Variants in LPA observed in about 807,000 individuals in gnomAD.
The protein encoded by LPA is apolipoprotein(a).
Under a neutral mutation model 197.9 loss-of-function variants are expected in LPA, and 199 were observed. The observed-to-expected ratio is 1.01, with a 90% CI of 0.90 to 1.13. The LOEUF is 1.13. Among genes scored for constraint, LPA ranks in the 50% most tolerant of loss-of-function variants. LPA has a pLI of 0.00. For synonymous variants in LPA, 715 were observed against 639.5 expected, an observed-to-expected ratio of 1.12 and a Z score of -1.78; for missense variants, 1,853 against 1,785.8, an observed-to-expected ratio of 1.04 and a Z score of -0.68.
intron 28 of LPA, among the ~76,000 whole-genome samples, chr6:160,564,695 G>A (rs1583581735): frequency 6.6e-6 from 1 of 152,304 alleles, no homozygotes; most frequent in East Asian, 1.9e-4. Context: ...AAGCAAGGCG[G>A]GATATTGCCT....
chr6:160,585,272 C>T, intron 25 of LPA, 67 bp from the exon 26 acceptor site: 3 of 1,482,576 alleles, frequency 2.0e-6, no homozygotes, highest in Non-Finnish European at 2.8e-6. Flanking sequence ...AAAATTATGA[C>T]ACACAAAGTG....
chr6:160,564,742 C>G (rs1319440221), intron 28 of LPA, among the ~76,000 whole-genome samples: 2 of 152,174 alleles, frequency 1.3e-5, no homozygotes. Flanking sequence ...AATTCCCTTT[C>G]CTAGCCAAGG....
At chr6:160,659,955 G>A (rs76583114) in intron 1 of LPA, among the ~76,000 whole-genome samples, 3,975 of 121,942 alleles carry the variant, frequency 0.033, no homozygotes, top group African/African-American at 0.076. Context: ...AAGTCAATGC[G>A]TAGAAGTAAT....
At chr6:160,540,434 C>T (rs560534974) in intron 35 of LPA, among the ~76,000 whole-genome samples, 1 of 152,286 alleles carries the variant, frequency 6.6e-6, no homozygotes, top group African/African-American at 2.4e-5. Flanking sequence ...ACTGTAGTCC[C>T]CAGTGATGGA....
At chr6:160,567,230 C>T (rs1368591525) in intron 28 of LPA, among the ~76,000 whole-genome samples, 1 of 152,144 alleles carries the variant, frequency 6.6e-6, no homozygotes, top group East Asian at 1.9e-4. Context: ...CTGAAATTGA[C>T]CAGATAGTTG....
At chr6:160,534,257 A>C (rs142421601) in intron 37 of LPA, among the ~76,000 whole-genome samples, 22 of 152,328 alleles carry the variant, frequency 1.4e-4, no homozygotes, top group African/African-American at 4.6e-4. Context: ...TATTTTGCTG[A>C]AAGTTAAGTT....
chr6:160,539,995 G>A, intron 36 of LPA, 48 bp downstream of exon 36: 1 of 1,613,842 alleles, frequency 6.2e-7, no homozygotes, highest in South Asian at 1.1e-5. Context: ...CAGACATAAA[G>A]CAAATATCTT....
Position 160,653,945 on chromosome 6 carries a change from A to G in LPA, c.50-3448T>C, listed in dbSNP as rs553694716. 2.9e-3 allele frequency among the ~76,000 whole-genome samples: 119 copies of G among 41,114 alleles called. 12 individuals carry two copies. The highest frequency in any genetic ancestry group is 0.011 in the African/African-American group (110 of 10,086). 27.0% of individuals were successfully genotyped at this position (41,114 alleles called of 152,430 possible). ...CTAATAGGATATATATATATTTTAT[A>G]TATATTATATATAATATATATTATA... On this transcript the variant is annotated intron_variant, in intron 1 of 38. Transcript: ENST00000316300.
At chr6:160,574,020 G>T (rs759511653) in intron 28 of LPA, among the ~76,000 whole-genome samples, 6 of 152,136 alleles carry the variant, frequency 3.9e-5, no homozygotes, top group Non-Finnish European at 4.4e-5. Context: ...CATCAGTTGG[G>T]GGTGGGACTA....
In LPA at chr6:160,541,303, A is replaced by G; in HGVS notation, c.5520-122T>C. ...CATGTTCATATTCCCAAAGCAAAGG[A>G]CTACCGCCCAACGTCAGGATAGTAG... On this transcript the variant is annotated intron_variant, in intron 34 of 38. Transcript: ENST00000316300. The G allele has an allele frequency of 5.3e-6, 4 of 761,182 alleles. No individual in the cohort carries two copies. The South Asian group carries it at 5.9e-5, about 11-fold the overall frequency. 47.2% of individuals were successfully genotyped at this position (761,182 alleles called of 1,614,324 possible). A position where few individuals can be genotyped will look rare whatever the true frequency, so the allele number is the denominator to read the frequency against.
chr6:160,580,356 A>G (rs889252937), intron 26 of LPA, among the ~76,000 whole-genome samples: 1 of 152,226 alleles, frequency 6.6e-6, no homozygotes, highest in African/African-American at 2.4e-5. Flanking sequence ...TATAAAACAT[A>G]AAGCTGCTAT....
chr6:160,581,089 T>C (rs1422783351), intron 26 of LPA, among the ~76,000 whole-genome samples: 1 of 152,166 alleles, frequency 6.6e-6, no homozygotes, highest in East Asian at 1.9e-4. Flanking sequence ...ATTAATTTAA[T>C]TTGAGTCATA....
chr6:160,571,787 C>G (rs1257596851), intron 28 of LPA, among the ~76,000 whole-genome samples: 1 of 152,206 alleles, frequency 6.6e-6, no homozygotes, highest in Non-Finnish European at 1.5e-5. Context: ...GAATTTCAAG[C>G]CAGTGGAGCT....
At chr6:160,585,669 G>A (rs910366818) in intron 25 of LPA, among the ~76,000 whole-genome samples, 5 of 152,016 alleles carry the variant, frequency 3.3e-5, no homozygotes, top group African/African-American at 1.2e-4. Context: ...CTGGGGTGTG[G>A]GGCAGAAAAG....
At position 160,578,610 on chromosome 6, in the gene LPA, G is replaced by C; in HGVS notation, c.4384C>G (p.Leu1462Val). The C allele has an allele frequency of 6.2e-7, 1 of 1,614,034 alleles. No individual in the cohort carries two copies. The highest frequency in any genetic ancestry group is 1.3e-5 in the African/African-American group (1 of 75,044). ...DPSVRWEYCN[L>V]TRCPVTESSV... ...GATTCTGTCACTGGACATCGTGTCA[G>C]GTTGCAGTACTCCCACCTGACACTG... Residue 1462 changes from leucine to valine, a missense_variant, in exon 27 of 39, where the codon CTG (leucine) becomes GTG (valine). Around this residue, in one of 3 missense-constraint regions of LPA, gnomAD observed 1,737 missense variants for 1,504.4 expected, o/e 1.15. Coordinates refer to ENST00000316300, the MANE Select transcript of LPA (RefSeq NM_005577.4).
intron 28 of LPA, among the ~76,000 whole-genome samples, chr6:160,571,658 G>A (rs9456548): frequency 0.061 from 9,214 of 152,224 alleles, 960 homozygotes; most frequent in African/African-American, 0.21. Flanking sequence ...ACTTCCTAGC[G>A]GTTTTGCTTA....
rs531200824 is a variant in LPA, at chr6:160,596,982, GAAGCTGGC to G, written c.3288-1455_3288-1448del. Among the ~76,000 whole-genome samples the G allele has an allele frequency of 7.1e-3, 1,080 of 152,250 alleles. 17 individuals are homozygous for G. Among genetic ancestry groups the G allele is most frequent in the Middle Eastern group, 0.014 (4 of 294 alleles). ...CACCGTATGACTCCCAAATATTTGA[GAAGCTGGC>G]AAACTTCTCATTATTCATATCTCAC... On this transcript the variant is annotated intron_variant, in intron 20 of 38. Transcript: ENST00000316300.
chr6:160,653,849 A>T (rs1256282159), intron 1 of LPA, among the ~76,000 whole-genome samples: 1 of 138,914 alleles, frequency 7.2e-6, no homozygotes, highest in Non-Finnish European at 1.5e-5. Flanking sequence ...AGGTTGGTTC[A>T]ATGTATACAA....
At chr6:160,598,808 C>T (rs1029444647) in intron 20 of LPA, among the ~76,000 whole-genome samples, 1 of 152,186 alleles carries the variant, frequency 6.6e-6, no homozygotes, top group Non-Finnish European at 1.5e-5. Context: ...CATAGATGTG[C>T]AAGTATCAAT....
Sources: gnomAD v4.1 joint callset for allele counts (sites outside exome capture counted in the v4.1 genomes callset) on GRCh38, gnomAD v4.1.1 for gene constraint, gnomAD v4.1.1 regional missense constraint, MANE v1.5 for transcripts, NCBI Gene and HGNC (gene_info 2026-07-23, HGNC 2026-07-21) for gene names.